Variants in INPP4B observed in about 807,000 individuals in gnomAD.
INPP4B encodes inositol polyphosphate-4-phosphatase type II B.
Under a neutral mutation model 122.5 loss-of-function variants are expected in INPP4B, and 55 were observed. The ratio of observed to expected loss-of-function variants is 0.45; its 90% CI spans 0.36 to 0.56. The LOEUF is 0.56. Among genes scored for constraint, INPP4B ranks in the 20% least tolerant of loss-of-function variants. INPP4B has a pLI of 0.00. For synonymous variants in INPP4B, 403 were observed against 388.7 expected, an observed-to-expected ratio of 1.04 and a Z score of -0.43; for missense variants, 1,000 against 1,097.7, an observed-to-expected ratio of 0.91 and a Z score of 1.26.
intron 18 of INPP4B, among the ~76,000 whole-genome samples, chr4:142,138,052 C>T (rs1805582583): frequency 6.6e-6 from 1 of 151,946 alleles, no homozygotes; most frequent in Non-Finnish European, 1.5e-5. Flanking sequence ...ACTCAAAGGA[C>T]TATAAATCAT....
chr4:142,036,462 T>C (rs1744038780), intron 25 of INPP4B, among the ~76,000 whole-genome samples: 1 of 152,174 alleles, frequency 6.6e-6, no homozygotes, highest in African/African-American at 2.4e-5. Context: ...ACCCTACAGA[T>C]ATTCCTCCTG....
At chr4:142,613,842 A>G (rs2150348082) in intron 2 of INPP4B, among the ~76,000 whole-genome samples, 1 of 152,300 alleles carries the variant, frequency 6.6e-6, no homozygotes, top group South Asian at 2.1e-4. Flanking sequence ...ATCAGATATC[A>G]TGATCTTCAA....
At chr4:142,065,536 A>T (rs1763076925) in intron 25 of INPP4B, among the ~76,000 whole-genome samples, 1 of 152,202 alleles carries the variant, frequency 6.6e-6, no homozygotes, top group South Asian at 2.1e-4. Flanking sequence ...CAGAGGAATA[A>T]AAAATGTCTG....
intron 25 of INPP4B, among the ~76,000 whole-genome samples, chr4:142,062,553 TG>T (rs1240337238): frequency 1.3e-5 from 2 of 152,086 alleles, no homozygotes; most frequent in African/African-American, 4.8e-5. Flanking sequence ...CTGGTCAACA[TG>T]GTGAAATCCT....
At chr4:142,426,816 A>C (rs549141316) in intron 5 of INPP4B, 12 of 152,080 alleles carry the variant, frequency 7.9e-5, no homozygotes, top group African/African-American at 2.9e-4. Flanking sequence ...CTAATTTAGA[A>C]AGCAAGGTCA....
chr4:142,324,337 A>G (rs1771492210), intron 7 of INPP4B, among the ~76,000 whole-genome samples: 1 of 152,126 alleles, frequency 6.6e-6, no homozygotes, highest in East Asian at 1.9e-4. Flanking sequence ...TACCTGTGTT[A>G]TCTGGTATGG....
chr4:142,182,460 A>G (rs1831250580), intron 15 of INPP4B, among the ~76,000 whole-genome samples: 1 of 148,140 alleles, frequency 6.8e-6, no homozygotes, highest in South Asian at 2.2e-4. Context: ...AGGCAGGAGA[A>G]CTGCTTGAAC....
chr4:142,432,317 C>T (rs1809501363), intron 3 of INPP4B, among the ~76,000 whole-genome samples: 1 of 152,062 alleles, frequency 6.6e-6, no homozygotes, highest in African/African-American at 2.4e-5. Context: ...CACAAACCAA[C>T]AGCCTCACTC....
intron 2 of INPP4B, among the ~76,000 whole-genome samples, chr4:142,688,106 T>C (rs1395375007): frequency 1.3e-5 from 2 of 152,138 alleles, no homozygotes; most frequent in African/African-American, 2.4e-5. Flanking sequence ...TGAAGGGGCC[T>C]GACCCTTCCA....
Position 142,145,859 on chromosome 4 carries a change from G to A in INPP4B, c.1701C>T (p.Ala567=), listed in dbSNP as rs952888809. ...TCTTACCTCTTGGGTGAGAGGGAAT[G>A]GCATCTGTTAATGAAGGTTCCTTTT... The part of the protein sequence containing the change: ...DGEKEPSLTD[A]IPSHPREDWY... The change falls in exon 18 of 26, where the codon GCC becomes GCT. Residue 567 remains alanine (A), a synonymous_variant. Transcript: ENST00000262992. 4.3e-6 allele frequency: 7 copies of A among 1,613,404 alleles called. No individual in the cohort carries two copies. Among genetic ancestry groups the A allele is most frequent in the Non-Finnish European group, 5.1e-6 (6 of 1,179,662 alleles).
chr4:142,173,195 C>T (rs574791785), intron 16 of INPP4B, among the ~76,000 whole-genome samples: 28 of 152,058 alleles, frequency 1.8e-4, no homozygotes, highest in African/African-American at 6.7e-4. Flanking sequence ...AAGTACCCCA[C>T]ACAGACTGAT....
In INPP4B at chr4:142,270,777, G is replaced by A. The variant is rs371564748; in HGVS notation, c.504-3C>T. ...CCACTTTGCCACCATCTGAAGTTCT[G>A]CAACAAAAAATACACGAAATGGAAA... On this transcript the variant is annotated splice_region_variant and splice_polypyrimidine_tract_variant and intron_variant, in intron 9 of 25. Transcript: ENST00000262992. The A allele has an allele frequency of 6.3e-7, 1 of 1,597,444 alleles. No individual in the cohort carries two copies. Among genetic ancestry groups the A allele is most frequent in the Non-Finnish European group, 8.6e-7 (1 of 1,165,278 alleles).
At chr4:142,235,763 C>T (rs1256168674) in intron 12 of INPP4B, among the ~76,000 whole-genome samples, 8 of 152,178 alleles carry the variant, frequency 5.3e-5, no homozygotes, top group African/African-American at 1.4e-4. Context: ...TCTTCACAGA[C>T]ATTTTATTTC....
chr4:142,500,458 T>G (rs2149817044), intron 2 of INPP4B, among the ~76,000 whole-genome samples: 1 of 152,354 alleles, frequency 6.6e-6, no homozygotes, highest in African/African-American at 2.4e-5. Context: ...TTTTAGCTTC[T>G]TGCTAGTTTT....
chr4:142,142,161 TA>T (rs1486118846), intron 18 of INPP4B, among the ~76,000 whole-genome samples: 5 of 152,048 alleles, frequency 3.3e-5, no homozygotes, highest in African/African-American at 1.2e-4. Flanking sequence ...TAATTAATTG[TA>T]AAAAAGAAAG....
At chr4:142,280,527 G>A (rs979831728) in intron 9 of INPP4B, among the ~76,000 whole-genome samples, 2 of 151,892 alleles carry the variant, frequency 1.3e-5, no homozygotes, top group African/African-American at 4.8e-5. Flanking sequence ...GTGGTGGCCA[G>A]GGGTTGGTGT....
chr4:142,114,308 T>C (rs114080934), intron 21 of INPP4B, among the ~76,000 whole-genome samples: 1,602 of 152,146 alleles, frequency 0.011, 31 homozygotes, highest in African/African-American at 0.037. Context: ...TATGTTTCAT[T>C]TTCTCTTGGG....
At chr4:142,439,992 A>G (rs1811337430) in intron 3 of INPP4B, among the ~76,000 whole-genome samples, 1 of 152,134 alleles carries the variant, frequency 6.6e-6, no homozygotes, top group South Asian at 2.1e-4. Flanking sequence ...TTTATTTTCT[A>G]CTTTATAGAT....
In INPP4B at chr4:142,573,347, T is replaced by TA. The variant is rs199716411; in HGVS notation, c.-190-110622dup. On this transcript the variant is annotated intron_variant, in intron 2 of 25. Coordinates refer to ENST00000262992, the MANE Select transcript of INPP4B (RefSeq NM_001101669.3). Reference sequence around the variant, plus strand: ...GTGCTACCCAGTTCCTTTTTTCTTTTAAAAAACCGTTCCTTCTCTTCCATA... The same window carrying TA: ...GTGCTACCCAGTTCCTTTTTTCTTTTAAAAAAACCGTTCCTTCTCTTCCATA... 5.8e-3 allele frequency among the ~76,000 whole-genome samples: 888 copies of TA among 152,140 alleles called. 8 individuals carry two copies. The highest frequency in any genetic ancestry group is 0.02 in the African/African-American group (813 of 41,526).
Sources: gnomAD v4.1 joint callset for allele counts (sites outside exome capture counted in the v4.1 genomes callset) on GRCh38, gnomAD v4.1.1 for gene constraint, MANE v1.5 for transcripts, NCBI Gene and HGNC (gene_info 2026-07-23, HGNC 2026-07-21) for gene names.